The following RCAN1 variants were observed in gnomAD, a reference collection of about 807,000 sequenced individuals.
RCAN1 encodes the protein calcipressin-1.
Under a neutral mutation model 22.9 loss-of-function variants are expected in RCAN1, and 11 were observed. The ratio of observed to expected loss-of-function variants is 0.48; its 90% confidence interval spans 0.30 to 0.79. RCAN1 has a LOEUF of 0.79. RCAN1 is among the 30% of genes least tolerant of loss of function. RCAN1 has a pLI of 0.06. For synonymous variants in RCAN1, 136 were observed against 142.3 expected (o/e 0.96, Z 0.32); for missense variants, 291 against 337.8 (o/e 0.86, Z 1.09).
At chr21:34,584,759 G>A (rs1271763793) in intron 1 of RCAN1, among the ~76,000 whole-genome samples, 3 of 152,136 alleles carry the variant, frequency 2.0e-5, no homozygotes, top group Admixed American at 2.0e-4. Context: ...CTGCTTGCCT[G>A]GTGACAAAGT....
At chr21:34,578,643 A>G (rs193005025) in intron 1 of RCAN1, among the ~76,000 whole-genome samples, 1 of 152,290 alleles carries the variant, frequency 6.6e-6, no homozygotes, top group East Asian at 1.9e-4. Flanking sequence ...CCAGGGAGGA[A>G]GAGAGGCTTT....
At chr21:34,580,198 A>G (rs1175950101) in intron 1 of RCAN1, among the ~76,000 whole-genome samples, 1 of 149,376 alleles carries the variant, frequency 6.7e-6, no homozygotes, top group African/African-American at 2.5e-5. Context: ...GCTTTAGAGC[A>G]TCAGGAACCA....
At chr21:34,607,794 A>G (rs533588385) in intron 1 of RCAN1, among the ~76,000 whole-genome samples, 1 of 152,154 alleles carries the variant, frequency 6.6e-6, no homozygotes, top group Non-Finnish European at 1.5e-5. Flanking sequence ...GGGATCGCCA[A>G]CCTCCGGACC....
At chr21:34,537,630 G>C (rs780460889) in intron 1 of RCAN1, among the ~76,000 whole-genome samples, 1 of 152,216 alleles carries the variant, frequency 6.6e-6, no homozygotes, top group Non-Finnish European at 1.5e-5. Flanking sequence ...CCAGCCCCCA[G>C]GGCATTTCAA....
intron 1 of RCAN1, among the ~76,000 whole-genome samples, chr21:34,530,967 C>T (rs1228236558): frequency 1.3e-5 from 2 of 152,166 alleles, no homozygotes; most frequent in African/African-American, 4.8e-5. Context: ...GCCTAAGTTA[C>T]TACACAAAAA....
chr21:34,526,662 C>A, intron 1 of RCAN1: 1 of 1,612,880 alleles, frequency 6.2e-7, no homozygotes, highest in Non-Finnish European at 8.5e-7. Flanking sequence ...AGAAGCCTTA[C>A]CCTGGTTTCA....
At position 34,570,230 on chromosome 21, in the gene RCAN1, G is replaced by A. The variant is rs185562393; in HGVS notation, c.252+44530C>T. 2.6e-5 allele frequency among the ~76,000 whole-genome samples: 4 copies of A among 152,284 alleles called. No homozygotes were observed. The East Asian group carries it at 7.7e-4, about 29-fold the overall frequency. ...GCCTTTCCTTTCTAAAGATGTAGAG[G>A]TTAAAAACTGTTATAGGTAAAATAT... is the stretch of plus-strand genomic sequence containing the variant. On this transcript the variant is annotated intron_variant, in intron 1 of 3. Transcript: ENST00000313806.
At chr21:34,594,416 G>T (rs1988079332) in intron 1 of RCAN1, among the ~76,000 whole-genome samples, 1 of 152,132 alleles carries the variant, frequency 6.6e-6, no homozygotes, top group South Asian at 2.1e-4. Context: ...GCTGGGTGTG[G>T]TAGCACATGC....
intron 1 of RCAN1, among the ~76,000 whole-genome samples, chr21:34,524,908 A>G (rs917384824): frequency 2.0e-5 from 3 of 152,196 alleles, no homozygotes; most frequent in Admixed American, 6.5e-5. Flanking sequence ...GTGGACAGTC[A>G]AAGCTCCAAG....
intron 1 of RCAN1, among the ~76,000 whole-genome samples, chr21:34,527,564 G>C (rs1985142369): frequency 6.6e-6 from 1 of 152,146 alleles, no homozygotes; most frequent in Non-Finnish European, 1.5e-5. Flanking sequence ...TATAATTTGA[G>C]AACTGGGGAT....
At chr21:34,560,844 GGCCATTCTGACTATAAA>G (rs1208457307) in intron 1 of RCAN1, among the ~76,000 whole-genome samples, 6 of 152,188 alleles carry the variant, frequency 3.9e-5, no homozygotes, top group African/African-American at 1.2e-4. Context: ...TGTCCAGTAA[GGCCATTCTGACTATAAA>G]GCCATTCTGA....
chr21:34,537,217 T>C (rs1314163546), intron 1 of RCAN1, among the ~76,000 whole-genome samples: 1 of 152,180 alleles, frequency 6.6e-6, no homozygotes, highest in African/African-American at 2.4e-5. Flanking sequence ...AGAGAACAAC[T>C]GTGCCAACCT....
At chr21:34,532,015 G>A (rs1985417590) in intron 1 of RCAN1, among the ~76,000 whole-genome samples, 1 of 152,136 alleles carries the variant, frequency 6.6e-6, no homozygotes, top group Admixed American at 6.5e-5. Context: ...TGCAGTGGGG[G>A]CTGGGGGCGG....
At chr21:34,592,712 C>G (rs1601207543) in intron 1 of RCAN1, among the ~76,000 whole-genome samples, 1 of 144,112 alleles carries the variant, frequency 6.9e-6, no homozygotes, top group South Asian at 2.6e-4. Context: ...ACCCAATCAT[C>G]TGTTTCTTGT....
intron 1 of RCAN1, among the ~76,000 whole-genome samples, chr21:34,548,326 A>T (rs8132305): frequency 3.9e-5 from 6 of 152,126 alleles, no homozygotes; most frequent in African/African-American, 1.2e-4. Flanking sequence ...TACATATGAA[A>T]TTTTTTTTGC....
intron 1 of RCAN1, chr21:34,525,265 G>A (rs1467501608): frequency 1.4e-5 from 22 of 1,550,536 alleles, no homozygotes; most frequent in South Asian, 7.1e-5. Flanking sequence ...CAGGCAGGTC[G>A]TTAAGGAGCA....
chr21:34,539,508 A>G (rs189157852), intron 1 of RCAN1, among the ~76,000 whole-genome samples: 7 of 152,350 alleles, frequency 4.6e-5, no homozygotes, highest in Admixed American at 2.0e-4. Context: ...GATTTGGATT[A>G]TTTAGATTCT....
intron 1 of RCAN1, among the ~76,000 whole-genome samples, chr21:34,529,325 G>A (rs1179326252): frequency 1.3e-5 from 2 of 152,216 alleles, no homozygotes; most frequent in Admixed American, 1.3e-4. Flanking sequence ...AGTTTCCAAA[G>A]TGCGTCTTGC....
chr21:34,576,457 G>A (rs1987413922), intron 1 of RCAN1, among the ~76,000 whole-genome samples: 1 of 152,196 alleles, frequency 6.6e-6, no homozygotes, highest in Non-Finnish European at 1.5e-5. Flanking sequence ...ACAAACCCAA[G>A]TGTGGGGTGG....
Sources: gnomAD v4.1 joint callset for allele counts (sites outside exome capture counted in the v4.1 genomes callset) on GRCh38, gnomAD v4.1.1 for gene constraint, MANE v1.5 for transcripts, NCBI Gene and HGNC (gene_info 2026-07-23, HGNC 2026-07-21) for gene names.